The following MAN2A1 variants were observed in gnomAD, a reference collection of about 807,000 sequenced individuals.
MAN2A1 encodes mannosidase alpha class 2A member 1.
MAN2A1 carries 76 observed loss-of-function variants against 142.6 expected under a neutral mutation model. The observed-to-expected ratio is 0.53, with a 90% CI of 0.44 to 0.65. MAN2A1 has a LOEUF of 0.65. MAN2A1 is among the 30% of genes least tolerant of loss of function. MAN2A1 has a pLI of 0.00. For synonymous variants in MAN2A1, 559 were observed against 473.2 expected, an observed-to-expected ratio of 1.18 and a Z score of -2.35; for missense variants, 1,311 against 1,365.1, an observed-to-expected ratio of 0.96 and a Z score of 0.62.
intron 1 of MAN2A1, among the ~76,000 whole-genome samples, chr5:109,699,243 C>T (rs1750903435): frequency 6.6e-6 from 1 of 152,162 alleles, no homozygotes; most frequent in Non-Finnish European, 1.5e-5. Flanking sequence ...CTCCCTCAGC[C>T]ATCAGTTTTT....
intron 3 of MAN2A1, among the ~76,000 whole-genome samples, chr5:109,728,182 C>T (rs1751798586): frequency 6.6e-6 from 1 of 152,188 alleles, no homozygotes; most frequent in African/African-American, 2.4e-5. Flanking sequence ...AGCTGCAGTG[C>T]TCTTTTCAAA....
intron 12 of MAN2A1, among the ~76,000 whole-genome samples, chr5:109,809,906 A>G (rs979169284): frequency 6.6e-6 from 1 of 151,912 alleles, no homozygotes; most frequent in South Asian, 2.1e-4. Flanking sequence ...GTTCTTTTCT[A>G]TATTGCATAT....
At chr5:109,848,722 T>A (rs1413708879) in intron 19 of MAN2A1, among the ~76,000 whole-genome samples, 5 of 152,202 alleles carry the variant, frequency 3.3e-5, no homozygotes, top group Admixed American at 3.3e-4. Context: ...GCTCCTCATA[T>A]CCAACACTTC....
intron 16 of MAN2A1, among the ~76,000 whole-genome samples, chr5:109,830,250 C>T (rs1170921598): frequency 6.6e-6 from 1 of 152,152 alleles, no homozygotes; most frequent in Admixed American, 6.5e-5. Context: ...ATTTGGAGAT[C>T]CAAATCCTTA....
At chr5:109,740,041 G>A (rs1752222551) in intron 4 of MAN2A1, among the ~76,000 whole-genome samples, 1 of 152,182 alleles carries the variant, frequency 6.6e-6, no homozygotes, top group Non-Finnish European at 1.5e-5. Context: ...CCTGCAGCAT[G>A]ATTTCTCATT....
In MAN2A1 at chr5:109,764,646, T is replaced by C. The variant is rs77721159; in HGVS notation, c.836-2889T>C. ...ACATTATTTAGTCTCAGGGACTCTT[T>C]ATTCCATTGCAGCTAGGTTGCTACC... On this transcript the variant is annotated intron_variant, in intron 5 of 21. Transcript: ENST00000261483. Among the ~76,000 whole-genome samples, 764 of 152,316 alleles carry C rather than the reference T, an allele frequency of 5.0e-3. 8 individuals carry two copies. The highest frequency in any genetic ancestry group is 0.017 in the African/African-American group (720 of 41,576).
intron 4 of MAN2A1, among the ~76,000 whole-genome samples, chr5:109,748,920 A>G (rs1752476648): frequency 6.6e-6 from 1 of 151,502 alleles, no homozygotes; most frequent in Non-Finnish European, 1.5e-5. Context: ...TGCCTACTAG[A>G]TATTCTCCAG....
At chr5:109,786,056 T>C (rs970913777) in intron 10 of MAN2A1, among the ~76,000 whole-genome samples, 7 of 152,074 alleles carry the variant, frequency 4.6e-5, no homozygotes, top group Non-Finnish European at 5.9e-5. Flanking sequence ...TGGGTTTTCA[T>C]TAGTTGATTT....
At chr5:109,807,162 T>G (rs942370239) in intron 12 of MAN2A1, among the ~76,000 whole-genome samples, 2 of 152,144 alleles carry the variant, frequency 1.3e-5, no homozygotes, top group African/African-American at 4.8e-5. Context: ...CTAGACCCAC[T>G]TCATTTAATC....
chr5:109,704,737 C>A (rs929120458), intron 1 of MAN2A1, among the ~76,000 whole-genome samples: 2 of 152,262 alleles, frequency 1.3e-5, no homozygotes, highest in African/African-American at 4.8e-5. Context: ...ACGATGACAC[C>A]CCTGCTGGAA....
chr5:109,790,638 A>G (rs1359886992), intron 12 of MAN2A1, among the ~76,000 whole-genome samples: 1 of 152,012 alleles, frequency 6.6e-6, no homozygotes, highest in Non-Finnish European at 1.5e-5. Context: ...TTATGTTTTG[A>G]TGCATTTGGG....
In MAN2A1 at chr5:109,819,860, T is replaced by C. The variant is rs1469556198; in HGVS notation, c.2301T>C (p.Leu767=). Residue 767 remains leucine (L), a synonymous_variant, in exon 14 of 22, where the codon CTT becomes CTC. Transcript: ENST00000261483. ...GITLENSFVL[L]RFDQTGLMKQ... ...CACTAGAGAACTCCTTTGTTTTACT[T>C]CGGTTTGATCAAACTGGACTTATGA... 1 of 1,599,632 alleles carries C rather than the reference T, an allele frequency of 6.3e-7. No individual in the cohort carries two copies. Among genetic ancestry groups the C allele is most frequent in the African/African-American group, 1.3e-5 (1 of 74,310 alleles).
intron 1 of MAN2A1, among the ~76,000 whole-genome samples, chr5:109,701,831 G>T (rs2269199): frequency 0.38 from 57,547 of 152,064 alleles, 11,828 homozygotes; most frequent in African/African-American, 0.55. Context: ...TTTTTCCATT[G>T]GGGTGTTGGA....
intron 16 of MAN2A1, among the ~76,000 whole-genome samples, chr5:109,831,344 G>C (rs1311992384): frequency 6.6e-6 from 1 of 152,194 alleles, no homozygotes; most frequent in Non-Finnish European, 1.5e-5. Context: ...AGGATTGGGG[G>C]AATTGGGGAG....
intron 19 of MAN2A1, chr5:109,854,571 A>T (rs1411090274): frequency 1.3e-5 from 2 of 152,184 alleles, no homozygotes; most frequent in East Asian, 3.8e-4. Flanking sequence ...TATGTTATTT[A>T]TATTTAAAAA....
At chr5:109,756,769 G>C (rs1007055826) in intron 5 of MAN2A1, among the ~76,000 whole-genome samples, 1 of 152,210 alleles carries the variant, frequency 6.6e-6, no homozygotes, top group African/African-American at 2.4e-5. Context: ...ATTGGCCCTT[G>C]GTTAGTGTCT....
intron 5 of MAN2A1, among the ~76,000 whole-genome samples, chr5:109,765,498 G>C (rs1428689698): frequency 6.6e-6 from 1 of 152,054 alleles, no homozygotes; most frequent in Non-Finnish European, 1.5e-5. Flanking sequence ...GGTAATACTG[G>C]GAACAACTAG....
At position 109,770,352 on chromosome 5, in the gene MAN2A1, T is replaced by C; in HGVS notation, c.1010-3T>C. Reference sequence around the variant, plus strand: ...AGGTTTGTGTGTTGGCTCTTTATTTTAGATCTGGGATCTGTCACAGATATT... The same window carrying C: ...AGGTTTGTGTGTTGGCTCTTTATTTCAGATCTGGGATCTGTCACAGATATT... On this transcript the variant is annotated splice_region_variant and splice_polypyrimidine_tract_variant and intron_variant, in intron 6 of 21. Coordinates refer to ENST00000261483, the MANE Select transcript of MAN2A1 (RefSeq NM_002372.4). 1 of 1,609,086 alleles carries C rather than the reference T, an allele frequency of 6.2e-7. No homozygotes were observed.
chr5:109,864,168 T>G (rs1755823139), intron 20 of MAN2A1: 1 of 152,240 alleles, frequency 6.6e-6, no homozygotes. Flanking sequence ...ATGTCAGTGC[T>G]GAGCAGCACA....
Sources: gnomAD v4.1 joint callset for allele counts (sites outside exome capture counted in the v4.1 genomes callset) on GRCh38, gnomAD v4.1.1 for gene constraint, MANE v1.5 for transcripts, NCBI Gene and HGNC (gene_info 2026-07-23, HGNC 2026-07-21) for gene names.